Variants in ACP2 observed in about 807,000 individuals in gnomAD.
ACP2 encodes lysosomal acid phosphatase.
In ACP2, 35 loss-of-function variants were observed where a neutral mutation model predicts 54.7. That is an observed-to-expected ratio of 0.64 (90% CI 0.49 to 0.85). The LOEUF (loss-of-function observed/expected upper bound fraction) is 0.85, where lower values mean the gene tolerates loss of function less well. Ranked by LOEUF, ACP2 falls within the 40% of genes least tolerant of loss-of-function variation. ACP2 has a pLI of 0.00. For missense variants in ACP2, 492 were observed against 565.0 expected (o/e 0.87, Z 1.31); for synonymous variants, 210 against 224.4 (o/e 0.94, Z 0.57).
At chr11:47,242,075 AAGTC>A (rs775141645) in intron 10 of ACP2, among the ~76,000 whole-genome samples, 3 of 152,178 alleles carry the variant, frequency 2.0e-5, no homozygotes, top group Non-Finnish European at 4.4e-5. Context: ...GGACGCCTGA[AAGTC>A]AGAAGCCAAG....
At position 47,248,808 on chromosome 11, in the gene ACP2, A is replaced by C. The variant is rs940675619; in HGVS notation, c.-19T>G. On this transcript the variant is annotated 5_prime_UTR_variant, in exon 1 of 11. Transcript: ENST00000672073. ...CCGCCATCACCGTTGTAATCTATGC[A>C]GCAAACAAGCTGGAACCCGCTGGGT... The C allele has an allele frequency of 1.3e-6, 2 of 1,573,174 alleles. No homozygotes were observed. The highest frequency in any genetic ancestry group is 1.7e-6 in the Non-Finnish European group (2 of 1,158,506).
At position 47,245,713 on chromosome 11, in the gene ACP2, G is replaced by A; in HGVS notation, c.419C>T (p.Pro140Leu). 1 of 1,613,858 alleles carries A rather than the reference G, an allele frequency of 6.2e-7. No individual in the cohort carries two copies. The highest frequency in any genetic ancestry group is 1.1e-5 in the South Asian group (1 of 91,010). The stretch of plus-strand genomic sequence containing the variant: ...CTCAGTGATGGGCACAGTGTGCACA[G>A]GAATAGGCTGCCACGAGATGTTCGG... ...FNPNISWQPI[P>L]VHTVPITEDR... The change falls in exon 4 of 11, where the codon CCT (proline) becomes CTT (leucine). Residue 140 changes from proline (P) to leucine (L), a missense_variant. Physicochemically the swap from Pro to Leu is moderately conservative, Grantham distance 98 (BLOSUM62 -3). Coordinates refer to ENST00000672073, the MANE Select transcript of ACP2 (RefSeq NM_001610.4).
chr11:47,242,969 G>A lies in ACP2; in HGVS notation c.962+49C>T, dbSNP rs757897158. 7.4e-6 allele frequency: 12 copies of A among 1,612,444 alleles called. No individual in the cohort carries two copies. The African/African-American group carries it at 9.3e-5, about 13-fold the overall frequency. ...TCATGGGGTCCTTGGGCTGCCCCGA[G>A]CCACCTCCCGAGGGCCCCCCTCCAG... is the stretch of plus-strand genomic sequence containing the variant. On this transcript the variant is annotated intron_variant, in intron 9 of 10. Coordinates refer to ENST00000672073, the MANE Select transcript of ACP2 (RefSeq NM_001610.4).
At chr11:47,242,057 T>C (rs1367028415) in intron 10 of ACP2, among the ~76,000 whole-genome samples, 2 of 152,098 alleles carry the variant, frequency 1.3e-5, no homozygotes, top group African/African-American at 4.8e-5. Flanking sequence ...CGTTCTTTAG[T>C]GAGGAAGGGA....
Position 47,248,140 on chromosome 11 carries a change from G to T in ACP2, c.115-7C>A, listed in dbSNP as rs769506198. ...GGTCTCCATGGCGGTACAGCTGAGAGAATAAAATGGTTTGCCTATAGGTCA... is the reference window on the plus strand; with the variant it reads ...GGTCTCCATGGCGGTACAGCTGAGATAATAAAATGGTTTGCCTATAGGTCA... On this transcript the variant is annotated splice_region_variant and splice_polypyrimidine_tract_variant and intron_variant, in intron 1 of 10. Coordinates refer to ENST00000672073, the MANE Select transcript of ACP2 (RefSeq NM_001610.4). 6.5e-5 allele frequency: 104 copies of T among 1,592,854 alleles called. No individual in the cohort carries two copies. The highest frequency in any genetic ancestry group is 8.4e-5 in the Non-Finnish European group (99 of 1,172,534).
chr11:47,248,281 A>G, intron 1 of ACP2, 148 bp from the exon 2 acceptor site: 2 of 1,026,610 alleles, frequency 1.9e-6, no homozygotes, highest in South Asian at 1.7e-5. Flanking sequence ...GGAGTCAGTC[A>G]CTTCTTCCAG....
intron 7 of ACP2, 104 bp from the exon 8 acceptor site, chr11:47,243,425 C>T: frequency 1.1e-6 from 1 of 913,072 alleles, no homozygotes. Flanking sequence ...GGCCTCATCA[C>T]CTACACGGAG....
chr11:47,248,281 A>T, intron 1 of ACP2, 148 bp from the exon 2 acceptor site: 1 of 1,026,604 alleles, frequency 9.7e-7, no homozygotes, highest in Non-Finnish European at 1.4e-6. Context: ...GGAGTCAGTC[A>T]CTTCTTCCAG....
chr11:47,245,254 G>A, intron 6 of ACP2, 51 bp downstream of exon 6: 1 of 1,580,724 alleles, frequency 6.3e-7, no homozygotes, highest in Non-Finnish European at 8.7e-7. Context: ...GGTGACCTGG[G>A]CCTGCTGAGA....
intron 10 of ACP2, 58 bp downstream of exon 10, chr11:47,242,665 G>C (rs1591011829): frequency 1.9e-6 from 3 of 1,566,920 alleles, no homozygotes; most frequent in Admixed American, 1.8e-5. Context: ...GAGATGCGTG[G>C]ATGTGAACTG....
intron 2 of ACP2, 41 bp from the exon 3 acceptor site, chr11:47,247,768 G>A (rs1282256761): frequency 6.3e-7 from 1 of 1,596,878 alleles, no homozygotes; most frequent in East Asian, 2.2e-5. Flanking sequence ...TAGAGGGAAG[G>A]GGTGGCTTCA....
intron 10 of ACP2, among the ~76,000 whole-genome samples, chr11:47,240,869 CAG>C (rs1209570326): frequency 1.3e-5 from 2 of 150,570 alleles, no homozygotes; most frequent in African/African-American, 4.9e-5. Flanking sequence ...GAATGTGATA[CAG>C]AGAGACAAAG....
chr11:47,248,085 G>C lies in ACP2; in HGVS notation c.163C>G (p.Pro55Ala). The C allele has an allele frequency of 6.2e-7, 1 of 1,610,822 alleles. No individual in the cohort carries two copies. The highest frequency in any genetic ancestry group is 1.1e-5 in the South Asian group (1 of 90,542). The stretch of plus-strand genomic sequence containing the variant: ...TGGGGCCATTCTTCTTCCTGATAGG[G>C]GTCCTTGGGATATGTCTTCACTGGT... ...RSPVKTYPKDPYQEEEWPQGF... is the reference protein window; with the variant it reads ...RSPVKTYPKDAYQEEEWPQGF... Residue 55 changes from proline (P) to alanine (A), a missense_variant, in exon 2 of 11, where the codon CCC becomes GCC. Physicochemically the swap from Pro to Ala is conservative, Grantham distance 27 (BLOSUM62 -1). Transcript: ENST00000672073.
Position 47,243,133 on chromosome 11 carries a change from G to C in ACP2, c.856-9C>G, listed in dbSNP as rs1363886629. On this transcript the variant is annotated splice_polypyrimidine_tract_variant and intron_variant, in intron 8 of 10. Transcript: ENST00000672073. ...ACCAGGGTAGTGTCGTGCTGCGGGG[G>C]AGAGGGGCTGCCCGTCAGCATTGTT... 6.2e-7 allele frequency: 1 copy of C among 1,613,972 alleles called. No homozygotes were observed. Among genetic ancestry groups the C allele is most frequent in the Admixed American group, 1.7e-5 (1 of 60,036 alleles).
chr11:47,242,605 A>G, intron 10 of ACP2, 118 bp downstream of exon 10: 1 of 1,243,054 alleles, frequency 8.0e-7, no homozygotes, highest in South Asian at 1.4e-5. Context: ...GGGGTCGGGG[A>G]GGGAACTCCT....
chr11:47,245,841 C>A lies in ACP2; in HGVS notation c.298-7G>T. 6.5e-7 allele frequency: 1 copy of A among 1,541,856 alleles called. No individual in the cohort carries two copies. Among genetic ancestry groups the A allele is most frequent in the South Asian group, 1.2e-5 (1 of 80,834 alleles). ...CTGTGCTTCGCACATAAACCTGCAGCGATAGCAACACAAGTCGTGTGTGTG... is the reference window on the plus strand; with the variant it reads ...CTGTGCTTCGCACATAAACCTGCAGAGATAGCAACACAAGTCGTGTGTGTG... On this transcript the variant is annotated splice_region_variant and splice_polypyrimidine_tract_variant and intron_variant, in intron 3 of 10. Coordinates refer to ENST00000672073, the MANE Select transcript of ACP2 (RefSeq NM_001610.4).
chr11:47,247,373 G>A, intron 3 of ACP2: 1 of 548,060 alleles, frequency 1.8e-6, no homozygotes, highest in Non-Finnish European at 3.3e-6. Context: ...TGGAAAGCCT[G>A]TGATTTCACA....
chr11:47,248,353 C>G, intron 1 of ACP2: 2 of 1,287,732 alleles, frequency 1.6e-6, no homozygotes, highest in African/African-American at 2.9e-5. Context: ...AGCCAAGGTA[C>G]AGGTAGGAAG....
rs1180325416 is a variant in ACP2, at chr11:47,248,287, TC to T, written c.115-155del. The stretch of plus-strand genomic sequence containing the variant: ...CCCCAGCTAGGAGTCAGTCACTTCT[TC>T]CAGATTCCAGAGATTCTAACTTAGC... On this transcript the variant is annotated intron_variant, in intron 1 of 10. Transcript: ENST00000672073. The T allele has an allele frequency of 4.6e-5, 47 of 1,017,240 alleles. 1 individual carries two copies. The Middle Eastern group carries it at 1.1e-3, about 23-fold the overall frequency. 63.0% of individuals were successfully genotyped at this position (1,017,240 alleles called of 1,614,324 possible). A position where few individuals can be genotyped will look rare whatever the true frequency, so the allele number is the denominator to read the frequency against.
Sources: gnomAD v4.1 joint callset for allele counts (sites outside exome capture counted in the v4.1 genomes callset) on GRCh38, gnomAD v4.1.1 for gene constraint, MANE v1.5 for transcripts, NCBI Gene and HGNC (gene_info 2026-07-23, HGNC 2026-07-21) for gene names.